PODXL2: variants seen among roughly 807,000 people sequenced by gnomAD.
The protein encoded by PODXL2 is podocalyxin like 2.
A neutral mutation model predicts 53.4 loss-of-function variants in PODXL2; 17 were observed. The ratio of observed to expected loss-of-function variants is 0.32; its 90% CI spans 0.22 to 0.48. PODXL2 has a LOEUF of 0.48. Ranked by LOEUF, PODXL2 falls within the 20% of genes least tolerant of loss-of-function variation. The pLI, the probability that PODXL2 is intolerant of heterozygous loss-of-function variation, is 0.99. For synonymous variants in PODXL2, 311 were observed against 306.7 expected (o/e 1.01, Z -0.15); for missense variants, 673 against 760.0 (o/e 0.89, Z 1.35).
At chr3:127,654,056 C>A (rs1039119918) in intron 2 of PODXL2, among the ~76,000 whole-genome samples, 1 of 152,162 alleles carries the variant, frequency 6.6e-6, no homozygotes. Context: ...CCAGTAGTGT[C>A]TTTTATAGCA....
In PODXL2 at chr3:127,655,036, G is replaced by A. The variant is rs1399661646; in HGVS notation, c.350-5342G>A. ...CGGCTCACTGGAACCTCTGCCTCCC[G>A]TGTTCAAGCGACTCTCATGCCTCAG... On this transcript the variant is annotated intron_variant, in intron 2 of 7. Transcript: ENST00000342480. Among the ~76,000 whole-genome samples the A allele has an allele frequency of 1.2e-4, 19 of 152,010 alleles. No homozygotes were observed. In the East Asian group the frequency reaches 2.3e-3, roughly 19 times the overall value.
intron 3 of PODXL2, 98 bp downstream of exon 3, chr3:127,661,257 TGAG>T (rs1309965584): frequency 6.6e-6 from 6 of 915,402 alleles, no homozygotes; most frequent in Non-Finnish European, 1.7e-6. Flanking sequence ...TCTGCCAGGT[TGAG>T]GAGGGAGGCC....
intron 4 of PODXL2, among the ~76,000 whole-genome samples, chr3:127,668,108 G>C (rs1291982889): frequency 2.8e-5 from 2 of 72,246 alleles, no homozygotes; most frequent in Non-Finnish European, 4.1e-5. Flanking sequence ...CTGCGTGTGT[G>C]TGTGTGTGTG....
At chr3:127,651,172 A>G (rs1368886088) in intron 2 of PODXL2, among the ~76,000 whole-genome samples, 1 of 152,168 alleles carries the variant, frequency 6.6e-6, no homozygotes, top group East Asian at 1.9e-4. Context: ...CTGAGGCAGG[A>G]GAATCGCCTG....
At chr3:127,669,765 A>G (rs972010426) in intron 6 of PODXL2, among the ~76,000 whole-genome samples, 6 of 152,210 alleles carry the variant, frequency 3.9e-5, no homozygotes, top group Non-Finnish European at 8.8e-5. Flanking sequence ...CACCCAGTGC[A>G]GTCTGCTGGC....
In PODXL2 at chr3:127,653,622, G is replaced by T. The variant is rs190998415; in HGVS notation, c.350-6756G>T. ...GATCGTGCCAATGCACTCCAGCCTC[G>T]GTGACAGAGTGAGACTCCATCTCAA... On this transcript the variant is annotated intron_variant, in intron 2 of 7. Transcript: ENST00000342480. Among the ~76,000 whole-genome samples the T allele has an allele frequency of 3.8e-4, 57 of 151,484 alleles. No individual in the cohort carries two copies. The East Asian group carries it at 0.011, about 29-fold the overall frequency.
rs1186412439 is a variant in PODXL2 at position 127,639,312 on chromosome 3, C to T, written c.138C>T (p.Ser46=). The part of the protein sequence containing the change: ...EPGPEGLTST[S]LLDLLLPTGL... ...GCCCAGAGGGCCTCACCTCCACCTCCCTGCTAGACCTCCTGCTGCCCACTG... is the reference window on the plus strand; with the variant it reads ...GCCCAGAGGGCCTCACCTCCACCTCTCTGCTAGACCTCCTGCTGCCCACTG... The change falls in exon 2 of 8, where the codon TCC becomes TCT. Residue 46 remains serine, a synonymous_variant. Coordinates refer to ENST00000342480, the MANE Select transcript of PODXL2 (RefSeq NM_015720.4). 5.0e-6 allele frequency: 8 copies of T among 1,613,824 alleles called. No individual in the cohort carries two copies. The highest frequency in any genetic ancestry group is 5.1e-6 in the Non-Finnish European group (6 of 1,180,028).
intron 2 of PODXL2, 118 bp from the exon 3 acceptor site, chr3:127,660,260 C>G (rs973857706): frequency 7.5e-7 from 1 of 1,332,670 alleles, no homozygotes; most frequent in Non-Finnish European, 1.0e-6. Context: ...TCCATCATGA[C>G]CTGATGACCC....
intron 2 of PODXL2, among the ~76,000 whole-genome samples, chr3:127,646,519 C>G (rs1317079087): frequency 1.3e-5 from 2 of 152,044 alleles, no homozygotes; most frequent in Non-Finnish European, 2.9e-5. Context: ...TCCCAAGTAG[C>G]TGGGATTACA....
chr3:127,641,102 G>A (rs2074616232), intron 2 of PODXL2, among the ~76,000 whole-genome samples: 1 of 152,134 alleles, frequency 6.6e-6, no homozygotes, highest in South Asian at 2.1e-4. Context: ...AGTAAAGACA[G>A]GGTTTCACCA....
Position 127,660,637 on chromosome 3 carries a change from C to T in PODXL2, c.609C>T (p.Val203=), listed in dbSNP as rs1195721001. The change falls in exon 3 of 8, where the codon GTC becomes GTT. Residue 203 remains valine (V), a synonymous_variant. Transcript: ENST00000342480. ...NGSQEEAKPQ[V]RDFSLTSSSQ... ...CCCAAGAAGAAGCCAAGCCTCAGGT[C>T]CGTGACTTTTCTCTCACCAGCAGCA... 6.2e-7 allele frequency: 1 copy of T among 1,614,062 alleles called. No homozygotes were observed. The highest frequency in any genetic ancestry group is 8.5e-7 in the Non-Finnish European group (1 of 1,180,040).
At chr3:127,634,683 G>A (rs993592967) in intron 1 of PODXL2, among the ~76,000 whole-genome samples, 3 of 152,178 alleles carry the variant, frequency 2.0e-5, no homozygotes, top group East Asian at 1.9e-4. Context: ...CCAAGAACGC[G>A]CCATTGCACT....
At chr3:127,671,024 T>C (rs2074829457) in intron 6 of PODXL2, among the ~76,000 whole-genome samples, 1 of 151,916 alleles carries the variant, frequency 6.6e-6, no homozygotes, top group East Asian at 1.9e-4. Flanking sequence ...GTGGAAGCGG[T>C]TGTATGGTGG....
chr3:127,668,101 C>CGT (rs55716588), intron 4 of PODXL2, among the ~76,000 whole-genome samples: 16,504 of 145,644 alleles, frequency 0.11, 1,025 homozygotes, highest in South Asian at 0.22. Flanking sequence ...TACATGGCTG[C>CGT]GTGTGTGTGT....
At chr3:127,650,371 G>A (rs149180087) in intron 2 of PODXL2, among the ~76,000 whole-genome samples, 8 of 152,270 alleles carry the variant, frequency 5.3e-5, no homozygotes, top group South Asian at 4.1e-4. Context: ...AAAAGAAAGC[G>A]GAGAAATAAG....
At chr3:127,632,912 C>G (rs2074555739) in intron 1 of PODXL2, among the ~76,000 whole-genome samples, 1 of 152,208 alleles carries the variant, frequency 6.6e-6, no homozygotes, top group African/African-American at 2.4e-5. Flanking sequence ...CACAGCCCAC[C>G]TGAAACCAAA....
chr3:127,649,674 C>T (rs1041892247), intron 2 of PODXL2, among the ~76,000 whole-genome samples: 16 of 152,208 alleles, frequency 1.1e-4, no homozygotes, highest in African/African-American at 1.4e-4. Context: ...TGGTGGCTTA[C>T]GCCTGTAATT....
At chr3:127,639,831 T>C (rs1037927268) in intron 2 of PODXL2, among the ~76,000 whole-genome samples, 3 of 152,206 alleles carry the variant, frequency 2.0e-5, no homozygotes, top group African/African-American at 7.2e-5. Flanking sequence ...AAGAAAACAC[T>C]GAGACTGAGA....
chr3:127,661,113 G>A lies in PODXL2; in HGVS notation c.1085G>A (p.Gly362Glu), dbSNP rs774925392. The A allele has an allele frequency of 2.5e-6, 4 of 1,614,156 alleles. No homozygotes were observed. Among genetic ancestry groups the A allele is most frequent in the East Asian group, 2.2e-5 (1 of 44,878 alleles). ...QEDLNQQLLE[G>E]QAAEAQSRIP... is the part of the protein sequence containing the mutation. Reference sequence around the variant, plus strand: ...GATCTCAACCAGCAGCTCCTAGAAGGGCAGGCAGCTGAAGCTCAATCCAGG... The same window carrying A: ...GATCTCAACCAGCAGCTCCTAGAAGAGCAGGCAGCTGAAGCTCAATCCAGG... The change falls in exon 3 of 8, where the codon GGG becomes GAG. Residue 362 changes from glycine (G) to glutamate (E), a missense_variant. This residue lies in a region of PODXL2 where 588 missense variants were observed against 668.3 expected (regional missense o/e 0.88). Coordinates refer to ENST00000342480, the MANE Select transcript of PODXL2 (RefSeq NM_015720.4).
Sources: allele counts gnomAD v4.1 joint callset (sites outside exome capture counted in the v4.1 genomes callset), GRCh38; gene constraint gnomAD v4.1.1; regional missense constraint gnomAD v4.1.1; transcripts MANE v1.5; gene names NCBI Gene and HGNC (gene_info 2026-07-23, HGNC 2026-07-21).